The following DACH1 variants were observed in gnomAD, a reference collection of about 807,000 sequenced individuals.
DACH1 encodes dachshund homolog 1.
In DACH1, 12 loss-of-function variants were observed where a neutral mutation model predicts 54.2. That is an observed-to-expected ratio of 0.22 (90% confidence interval 0.14 to 0.36). The LOEUF (loss-of-function observed/expected upper bound fraction) is 0.36, where lower values mean the gene tolerates loss of function less well. DACH1 is among the 10% of genes least tolerant of loss of function. DACH1 has a pLI of 1.00. For synonymous variants in DACH1, 386 were observed against 366.2 expected, an observed-to-expected ratio of 1.05 and a Z score of -0.62; for missense variants, 805 against 929.8, an observed-to-expected ratio of 0.87 and a Z score of 1.75.
rs111333449 is a variant in DACH1, at chr13:71,810,266, A to C, written c.848+55656T>G. 5.7e-3 allele frequency among the ~76,000 whole-genome samples: 873 copies of C among 152,294 alleles called. 7 individuals are homozygous for C. The highest frequency in any genetic ancestry group is 9.1e-3 in the Non-Finnish European group (620 of 68,006). On this transcript the variant is annotated intron_variant, in intron 1 of 10. Coordinates refer to ENST00000613252, the MANE Select transcript of DACH1 (RefSeq NM_080759.6). ...ACAGCTGAGAGATAGGTTAAATAGC[A>C]TGAATGAGGCCAAGAGTTGAATTCA...
At position 71,442,631 on chromosome 13, in the gene DACH1, T is replaced by A. The variant is rs571383614; in HGVS notation, c.2084-1939A>T. ...TCCTCCCTTATCTGTGGGGGATATG[T>A]CCAGACTGCCAGTGGATGCCTGAAA... On this transcript the variant is annotated intron_variant, in intron 10 of 10. Transcript: ENST00000613252. 2.6e-5 allele frequency among the ~76,000 whole-genome samples: 4 copies of A among 152,248 alleles called. No homozygotes were observed. The South Asian group carries it at 8.3e-4, about 32-fold the overall frequency.
At chr13:71,770,658 C>T (rs998459155) in intron 1 of DACH1, among the ~76,000 whole-genome samples, 2 of 151,490 alleles carry the variant, frequency 1.3e-5, no homozygotes, top group Non-Finnish European at 3.0e-5. Context: ...GGGTAGAAAA[C>T]GTAATTTATT....
At chr13:71,710,120 AGTCTACTTATT>A (rs1882639389) in intron 1 of DACH1, among the ~76,000 whole-genome samples, 1 of 152,204 alleles carries the variant, frequency 6.6e-6, no homozygotes, top group Non-Finnish European at 1.5e-5. Flanking sequence ...GATTATAAAT[AGTCTACTTATT>A]GGGAACAGAG....
intron 3 of DACH1, among the ~76,000 whole-genome samples, chr13:71,600,128 T>A (rs1333079472): frequency 2.0e-5 from 3 of 152,072 alleles, no homozygotes; most frequent in African/African-American, 7.2e-5. Context: ...ATATGCTTGA[T>A]CAATATAACC....
At chr13:71,808,621 TG>T (rs905040951) in intron 1 of DACH1, among the ~76,000 whole-genome samples, 1 of 152,210 alleles carries the variant, frequency 6.6e-6, no homozygotes, top group Admixed American at 6.5e-5. Flanking sequence ...CAAGGTCATT[TG>T]GTCATTGATT....
chr13:71,683,348 G>A (rs144135269), intron 1 of DACH1, among the ~76,000 whole-genome samples: 45 of 152,082 alleles, frequency 3.0e-4, no homozygotes, highest in Admixed American at 5.9e-4. Context: ...AGAAGGCAGC[G>A]GGAACATTAG....
intron 1 of DACH1, among the ~76,000 whole-genome samples, chr13:71,849,242 G>A (rs1013386014): frequency 1.3e-5 from 2 of 152,168 alleles, no homozygotes; most frequent in African/African-American, 4.8e-5. Flanking sequence ...GTGAACTGGA[G>A]GAGATGAAAA....
At chr13:71,770,283 A>G (rs1390804813) in intron 1 of DACH1, among the ~76,000 whole-genome samples, 2 of 151,550 alleles carry the variant, frequency 1.3e-5, no homozygotes, top group Admixed American at 1.3e-4. Flanking sequence ...AAATCTTCAC[A>G]CTCACCGAAC....
intron 2 of DACH1, among the ~76,000 whole-genome samples, chr13:71,665,420 C>A (rs1464757886): frequency 6.6e-6 from 1 of 151,966 alleles, no homozygotes; most frequent in Non-Finnish European, 1.5e-5. Flanking sequence ...AACATCTCAA[C>A]ACTTTAAAAT....
chr13:71,518,139 G>A (rs1281651891), intron 6 of DACH1, among the ~76,000 whole-genome samples: 1 of 151,780 alleles, frequency 6.6e-6, no homozygotes, highest in African/African-American at 2.4e-5. Flanking sequence ...AAGCTATAAT[G>A]CCCAATGTGA....
intron 3 of DACH1, among the ~76,000 whole-genome samples, chr13:71,606,966 C>G (rs1420138071): frequency 6.6e-6 from 1 of 151,914 alleles, no homozygotes; most frequent in Non-Finnish European, 1.5e-5. Flanking sequence ...GTTTTTAAAG[C>G]CTCTGGCAGG....
chr13:71,689,380 A>G (rs1483857245), intron 1 of DACH1, among the ~76,000 whole-genome samples: 1 of 152,204 alleles, frequency 6.6e-6, no homozygotes, highest in Admixed American at 6.5e-5. Context: ...AATGTAAGAA[A>G]TAATTGGGTC....
At chr13:71,457,035 G>A (rs1396472043) in intron 10 of DACH1, among the ~76,000 whole-genome samples, 1 of 151,862 alleles carries the variant, frequency 6.6e-6, no homozygotes, top group African/African-American at 2.4e-5. Context: ...GTGATAAATC[G>A]GGACACTATT....
rs138439870 is a variant in DACH1 at position 71,536,409 on chromosome 13, C to A, written c.1570+20615G>T. 1.2e-3 allele frequency among the ~76,000 whole-genome samples: 185 copies of A among 152,198 alleles called. 2 individuals are homozygous for A. In the East Asian group the frequency reaches 0.028, roughly 23 times the overall value. On this transcript the variant is annotated intron_variant, in intron 6 of 10. Transcript: ENST00000613252. ...AAGTTCTTGACACATCCTTGCTATT[C>A]AAACCCTAGGGCTAATAGTAAATAC...
intron 2 of DACH1, among the ~76,000 whole-genome samples, chr13:71,656,804 G>C (rs2138639615): frequency 6.7e-6 from 1 of 148,552 alleles, no homozygotes; most frequent in East Asian, 2.0e-4. Context: ...GACTTGAAAA[G>C]TATAGATAGA....
chr13:71,717,286 C>T (rs1401243868), intron 1 of DACH1, among the ~76,000 whole-genome samples: 1 of 152,068 alleles, frequency 6.6e-6, no homozygotes, highest in Non-Finnish European at 1.5e-5. Flanking sequence ...ATTCTTTCAA[C>T]AAGAAATGCC....
chr13:71,801,861 A>C (rs1248279508), intron 1 of DACH1, among the ~76,000 whole-genome samples: 2 of 152,042 alleles, frequency 1.3e-5, no homozygotes, highest in Admixed American at 6.6e-5. Flanking sequence ...AAAAAAAAAA[A>C]AAAACTTCCA....
chr13:71,655,835 T>C (rs1282213495), intron 2 of DACH1, among the ~76,000 whole-genome samples: 3 of 152,202 alleles, frequency 2.0e-5, no homozygotes, highest in Admixed American at 2.0e-4. Flanking sequence ...GGTGTTTTAA[T>C]TTTGTTCATA....
chr13:71,655,783 T>C (rs1879052553), intron 2 of DACH1, among the ~76,000 whole-genome samples: 1 of 152,204 alleles, frequency 6.6e-6, no homozygotes, highest in African/African-American at 2.4e-5. Context: ...GAATACTATT[T>C]CACTTTTTCC....
Sources: gnomAD v4.1 joint callset for allele counts (sites outside exome capture counted in the v4.1 genomes callset) on GRCh38, gnomAD v4.1.1 for gene constraint, MANE v1.5 for transcripts, NCBI Gene and HGNC (gene_info 2026-07-23, HGNC 2026-07-21) for gene names.